The following NEK11 variants were observed in gnomAD, a reference collection of about 807,000 sequenced individuals.
The protein encoded by NEK11 is NIMA related kinase 11.
A neutral mutation model predicts 80.7 loss-of-function variants in NEK11; 72 were observed. That is an observed-to-expected ratio of 0.89 (90% confidence interval 0.74 to 1.08). NEK11 has a LOEUF of 1.08. Among genes scored for constraint, NEK11 ranks in the 50% least tolerant of loss-of-function variants. The pLI is 0.00. For synonymous variants in NEK11, 251 were observed against 260.7 expected, an observed-to-expected ratio of 0.96 and a Z score of 0.36; for missense variants, 764 against 763.6, an observed-to-expected ratio of 1.00 and a Z score of -0.01.
At position 131,261,474 on chromosome 3, in the gene NEK11, A is replaced by G. The variant is rs76851615; in HGVS notation, c.1622-12004A>G. Among the ~76,000 whole-genome samples the G allele has an allele frequency of 9.1e-3, 1,378 of 152,250 alleles. 22 individuals are homozygous for G. Among genetic ancestry groups the G allele is most frequent in the African/African-American group, 0.031 (1,288 of 41,540 alleles). ...GATTGCTCTTTATCTTTGTTAGCAT[A>G]GGCATTGTCTTCCCAAGTAAATGCT... On this transcript the variant is annotated intron_variant, in intron 16 of 17. Transcript: ENST00000383366.
intron 14 of NEK11, among the ~76,000 whole-genome samples, chr3:131,221,586 T>C (rs1402618721): frequency 6.6e-6 from 1 of 152,176 alleles, no homozygotes; most frequent in Admixed American, 6.5e-5. Context: ...ATCTTCTAAA[T>C]GTCTAAAAGG....
At chr3:131,276,719 C>A (rs1303112686) in intron 17 of NEK11, among the ~76,000 whole-genome samples, 1 of 152,008 alleles carries the variant, frequency 6.6e-6, no homozygotes, top group African/African-American at 2.4e-5. Flanking sequence ...TGAGTAGCTT[C>A]TAAAAACAAG....
At chr3:131,281,061 A>G (rs927631436) in intron 17 of NEK11, among the ~76,000 whole-genome samples, 1 of 152,184 alleles carries the variant, frequency 6.6e-6, no homozygotes, top group East Asian at 1.9e-4. Context: ...CCTCACATGC[A>G]CGTGCTGGTC....
chr3:131,332,531 A>C (rs1367557842), intron 17 of NEK11, among the ~76,000 whole-genome samples: 1 of 152,240 alleles, frequency 6.6e-6, no homozygotes, highest in Non-Finnish European at 1.5e-5. Flanking sequence ...ACAGAGCAGA[A>C]AAACTGGAAA....
At chr3:131,115,916 T>TTCTTTCTTTCTC (rs1223441655) in intron 5 of NEK11, among the ~76,000 whole-genome samples, 1 of 83,602 alleles carries the variant, frequency 1.2e-5, no homozygotes, top group Non-Finnish European at 2.5e-5. Flanking sequence ...CTTTCTTTCT[T>TTCTTTCTTTCTC]TCTTTCTTTC....
chr3:131,266,243 T>C (rs1452387297), intron 16 of NEK11, among the ~76,000 whole-genome samples: 1 of 152,218 alleles, frequency 6.6e-6, no homozygotes, highest in Non-Finnish European at 1.5e-5. Flanking sequence ...TTTCTTGCCT[T>C]CTGCTAGCTT....
chr3:131,037,731 T>G (rs1461110301), intron 3 of NEK11, among the ~76,000 whole-genome samples: 1 of 152,254 alleles, frequency 6.6e-6, no homozygotes, highest in African/African-American at 2.4e-5. Context: ...CTAATACCTA[T>G]TTATGGATAT....
chr3:131,317,613 G>C (rs1459326915), intron 17 of NEK11, among the ~76,000 whole-genome samples: 17 of 151,510 alleles, frequency 1.1e-4, no homozygotes, highest in Admixed American at 7.2e-4. Context: ...TGCAGAATCT[G>C]ACCAGCTGTG....
At chr3:131,293,970 CTTAA>C (rs2096569574) in intron 17 of NEK11, among the ~76,000 whole-genome samples, 2 of 151,568 alleles carry the variant, frequency 1.3e-5, no homozygotes, top group Admixed American at 1.3e-4. Context: ...CTCTTTTTTT[CTTAA>C]TTAGCCTGTC....
At chr3:131,190,713 G>A (rs765703260) in intron 14 of NEK11, among the ~76,000 whole-genome samples, 1 of 152,100 alleles carries the variant, frequency 6.6e-6, no homozygotes, top group South Asian at 2.1e-4. Flanking sequence ...GGACTAATAC[G>A]CTATGGTAAA....
chr3:131,146,825 G>T (rs1223320008), intron 7 of NEK11, among the ~76,000 whole-genome samples: 1 of 151,986 alleles, frequency 6.6e-6, no homozygotes, highest in Non-Finnish European at 1.5e-5. Flanking sequence ...GTCTTCTCAT[G>T]ACTTTTGGCC....
chr3:131,115,954 CTTTCTT>C (rs1258236797), intron 5 of NEK11, among the ~76,000 whole-genome samples: 6 of 139,364 alleles, frequency 4.3e-5, no homozygotes, highest in African/African-American at 1.4e-4. Flanking sequence ...TTCTTTCTTT[CTTTCTT>C]TCTTTCTTTC....
intron 17 of NEK11, among the ~76,000 whole-genome samples, chr3:131,308,967 A>C (rs1157076663): frequency 6.6e-6 from 1 of 152,112 alleles, no homozygotes; most frequent in Non-Finnish European, 1.5e-5. Context: ...TTCACCACAG[A>C]GTTTGTGTTC....
chr3:131,157,024 T>G (rs2090781033), intron 10 of NEK11, among the ~76,000 whole-genome samples: 1 of 151,862 alleles, frequency 6.6e-6, no homozygotes, highest in Admixed American at 6.6e-5. Flanking sequence ...CCCTTGACCC[T>G]GTGGCAAAAT....
intron 3 of NEK11, among the ~76,000 whole-genome samples, chr3:131,066,479 A>G (rs1373574698): frequency 2.0e-5 from 3 of 151,988 alleles, no homozygotes; most frequent in Non-Finnish European, 2.9e-5. Context: ...TTGGACTTTG[A>G]CTTCATAAAC....
chr3:131,233,723 G>A (rs2095378451), intron 15 of NEK11, among the ~76,000 whole-genome samples: 1 of 152,140 alleles, frequency 6.6e-6, no homozygotes, highest in Non-Finnish European at 1.5e-5. Context: ...TTGAATTATT[G>A]TTGTAGACTT....
chr3:131,259,426 C>T (rs1456470787), intron 16 of NEK11, among the ~76,000 whole-genome samples: 1 of 152,182 alleles, frequency 6.6e-6, no homozygotes, highest in Non-Finnish European at 1.5e-5. Context: ...AAATACCCAA[C>T]TTATTAAAGG....
At chr3:131,033,808 G>C (rs2065230110) in intron 3 of NEK11, among the ~76,000 whole-genome samples, 1 of 152,114 alleles carries the variant, frequency 6.6e-6, no homozygotes, top group African/African-American at 2.4e-5. Flanking sequence ...CATTACACTT[G>C]CTTGATGCAT....
At position 131,223,140 on chromosome 3, in the gene NEK11, T is replaced by G. The variant is rs368590303; in HGVS notation, c.1400-5388T>G. Among the ~76,000 whole-genome samples, 36 of 152,328 alleles carry G rather than the reference T, an allele frequency of 2.4e-4. 1 individual carries two copies. In the East Asian group the frequency reaches 4.2e-3, roughly 18 times the overall value. ...AGCTGTTTATCAGACTCTTTTCCCCTTAGTGACAGGAGAAAGGAATCTTAA... is the reference window on the plus strand; with the variant it reads ...AGCTGTTTATCAGACTCTTTTCCCCGTAGTGACAGGAGAAAGGAATCTTAA... On this transcript the variant is annotated intron_variant, in intron 14 of 17. Coordinates refer to ENST00000383366, the MANE Select transcript of NEK11 (RefSeq NM_024800.5).
Sources: gnomAD v4.1 joint callset for allele counts (sites outside exome capture counted in the v4.1 genomes callset) on GRCh38, gnomAD v4.1.1 for gene constraint, MANE v1.5 for transcripts, NCBI Gene and HGNC (gene_info 2026-07-23, HGNC 2026-07-21) for gene names.